GLI3: variants seen among roughly 807,000 people sequenced by gnomAD.
GLI3 encodes the protein GLI family zinc finger 3, also known as transcription activator GLI3.
In GLI3, 20 loss-of-function variants were observed where a neutral mutation model predicts 100.8. The ratio of observed to expected loss-of-function variants is 0.20; its 90% confidence interval spans 0.14 to 0.29. GLI3 has a LOEUF of 0.29. Among genes scored for constraint, GLI3 ranks in the 10% least tolerant of loss-of-function variants. GLI3 has a pLI of 1.00. For synonymous variants in GLI3, 938 were observed against 860.5 expected (o/e 1.09, Z -1.58); for missense variants, 2,040 against 2,128.5 (o/e 0.96, Z 0.82).
intron 4 of GLI3, among the ~76,000 whole-genome samples, chr7:42,074,597 A>G (rs1205676905): frequency 6.6e-6 from 1 of 152,206 alleles, no homozygotes; most frequent in African/African-American, 2.4e-5. Context: ...ACCAATGCAG[A>G]CAGAATGTCA....
At chr7:42,164,560 G>A (rs1435719354) in intron 2 of GLI3, among the ~76,000 whole-genome samples, 1 of 152,012 alleles carries the variant, frequency 6.6e-6, no homozygotes, top group African/African-American at 2.4e-5. Context: ...GCCGAGCACG[G>A]TGGCTCACGC....
At position 41,966,709 on chromosome 7, in the gene GLI3, T is replaced by G. The variant is rs1274888047; in HGVS notation, c.2432-68A>C. On this transcript the variant is annotated intron_variant, in intron 14 of 14. Coordinates refer to ENST00000395925, the MANE Select transcript of GLI3 (RefSeq NM_000168.6). This position sits in a 1 kb window ranked among gnomAD's most constrained non-coding sequence, Gnocchi z 5.8. ...CTTCGAGCATGACTTACACCAGGCA[T>G]GAGCAACCCTTTTCTGTAAAGGGCC... is the stretch of plus-strand genomic sequence containing the variant. 1.3e-6 allele frequency: 2 copies of G among 1,526,526 alleles called. No individual in the cohort carries two copies. Among genetic ancestry groups the G allele is most frequent in the Non-Finnish European group, 9.0e-7 (1 of 1,105,466 alleles). The allele number at this position is 1,526,526 out of a possible 1,614,324, so 94.6% of individuals were successfully genotyped here. A position where few individuals can be genotyped will look rare whatever the true frequency, so the allele number is the denominator to read the frequency against.
intron 6 of GLI3, among the ~76,000 whole-genome samples, chr7:42,041,234 C>G (rs1784130016): frequency 6.6e-6 from 1 of 152,198 alleles, no homozygotes; most frequent in South Asian, 2.1e-4. Context: ...CAAGAAGATT[C>G]CACTGATGGA....
Position 42,139,727 on chromosome 7 carries a change from T to A in GLI3, c.367+8499A>T, listed in dbSNP as rs117418110. 3.8e-3 allele frequency among the ~76,000 whole-genome samples: 583 copies of A among 152,172 alleles called. 5 individuals are homozygous for A. The highest frequency in any genetic ancestry group is 0.034 in the East Asian group (174 of 5,164). On this transcript the variant is annotated intron_variant, in intron 3 of 14. Coordinates refer to ENST00000395925, the MANE Select transcript of GLI3 (RefSeq NM_000168.6). ...CTACACAAAGGAATGCAGCAGCACA[T>A]CCTTAAAGACCAATGAGACAGCAGC...
At chr7:42,072,319 A>C (rs931041410) in intron 4 of GLI3, among the ~76,000 whole-genome samples, 4 of 152,214 alleles carry the variant, frequency 2.6e-5, no homozygotes, top group African/African-American at 9.6e-5. Flanking sequence ...TTGGCTCAGA[A>C]AGATTGTACA....
At chr7:42,016,069 T>C (rs1788751793) in intron 10 of GLI3, among the ~76,000 whole-genome samples, 1 of 152,064 alleles carries the variant, frequency 6.6e-6, no homozygotes, top group East Asian at 1.9e-4. Flanking sequence ...TGGCATCTCA[T>C]GGGGAGAGGC....
rs71006467 is a variant in GLI3 at position 42,246,805 on chromosome 7, C to CTTTTTTTT, written c.-43+17181_-43+17188dup. Reference sequence around the variant, plus strand: ...TTAAAGGCTCATTGGATGATAGAATCTTTTTTTTTTTTTTTTTTTTTTTTT... The same window carrying CTTTTTTTT: ...TTAAAGGCTCATTGGATGATAGAATCTTTTTTTTTTTTTTTTTTTTTTTTTTTTTTTTT... On this transcript the variant is annotated intron_variant, in intron 1 of 2. Coordinates refer to the GLI3 transcript ENST00000678978. 3.8e-3 allele frequency among the ~76,000 whole-genome samples: 359 copies of CTTTTTTTT among 94,916 alleles called. 37 individuals carry two copies. The highest frequency in any genetic ancestry group is 6.0e-3 in the Non-Finnish European group (295 of 49,200). The allele number at this position is 94,916 out of a possible 152,430, so 62.3% of individuals were successfully genotyped here.
intron 10 of GLI3, among the ~76,000 whole-genome samples, chr7:41,997,822 A>G (rs1788168735): frequency 6.6e-6 from 1 of 152,134 alleles, no homozygotes; most frequent in African/African-American, 2.4e-5. Context: ...ACATAAATAT[A>G]TAACTTGAAC....
intron 2 of GLI3, among the ~76,000 whole-genome samples, chr7:42,187,808 T>G (rs1197168585): frequency 6.6e-6 from 1 of 151,580 alleles, no homozygotes; most frequent in East Asian, 2.0e-4. Flanking sequence ...ATCCAGACCA[T>G]CCTGACTAAC....
chr7:42,091,749 G>C (rs570311153), intron 3 of GLI3, among the ~76,000 whole-genome samples: 1 of 152,194 alleles, frequency 6.6e-6, no homozygotes, highest in Admixed American at 6.5e-5. Flanking sequence ...AGCAATATCC[G>C]CTCGCTCGGC....
rs111227143 is a variant in GLI3, at chr7:42,146,789, A to G, written c.367+1437T>C. Among the ~76,000 whole-genome samples the G allele has an allele frequency of 1.2e-4, 18 of 152,366 alleles. 2 individuals carry two copies. The highest frequency in any genetic ancestry group is 4.3e-4 in the African/African-American group (18 of 41,580). On this transcript the variant is annotated intron_variant, in intron 3 of 14. Coordinates refer to ENST00000395925, the MANE Select transcript of GLI3 (RefSeq NM_000168.6). ...AGACTCACAAATAAAAATACAATGC[A>G]GAAAACTTAGGAATGTGCTCAGAGA...
At chr7:42,247,020 C>T (rs1788983759) in intron 1 of GLI3, among the ~76,000 whole-genome samples, 1 of 151,724 alleles carries the variant, frequency 6.6e-6, no homozygotes, top group Non-Finnish European at 1.5e-5. Flanking sequence ...AGGGGCAGGC[C>T]TAATGTCTGG....
chr7:42,042,660 C>T (rs898888998), intron 6 of GLI3, among the ~76,000 whole-genome samples: 1 of 152,136 alleles, frequency 6.6e-6, no homozygotes, highest in South Asian at 2.1e-4. Context: ...GCTCTCAAAC[C>T]CTAGGAGCCT....
intron 10 of GLI3, among the ~76,000 whole-genome samples, chr7:41,990,257 A>G (rs1257266886): frequency 6.6e-6 from 1 of 152,162 alleles, no homozygotes; most frequent in East Asian, 1.9e-4. Flanking sequence ...TAGGAGCACC[A>G]GTATCTAGAA....
chr7:41,963,364 G>C lies in GLI3; in HGVS notation c.*966C>G, dbSNP rs1329415514. ...ATCAATTCTCAGTTAAAATGGGAAAGAGATGGAACTAATCAACAAACACAG... is the reference window on the plus strand; with the variant it reads ...ATCAATTCTCAGTTAAAATGGGAAACAGATGGAACTAATCAACAAACACAG... On this transcript the variant is annotated 3_prime_UTR_variant, in exon 15 of 15. Transcript: ENST00000395925. 6.6e-6 allele frequency: 1 copy of C among 152,218 alleles called. No individual in the cohort carries two copies. Among genetic ancestry groups the C allele is most frequent in the African/African-American group, 2.4e-5 (1 of 41,454 alleles). The allele number at this position is 152,218 out of a possible 1,614,324, so 9.4% of individuals were successfully genotyped here.
intron 10 of GLI3, among the ~76,000 whole-genome samples, chr7:42,009,081 T>C (rs997759941): frequency 3.9e-5 from 6 of 152,222 alleles, no homozygotes; most frequent in Middle Eastern, 3.2e-3. Context: ...CTCCCTTGAC[T>C]GATGCCAAGC....
intron 2 of GLI3, among the ~76,000 whole-genome samples, chr7:42,169,725 A>T (rs2128675552): frequency 1.3e-5 from 2 of 152,104 alleles, no homozygotes; most frequent in East Asian, 3.9e-4. Flanking sequence ...ACAATAGAAG[A>T]TTAATAATGC....
At chr7:42,194,432 C>T (rs1446823556) in intron 2 of GLI3, among the ~76,000 whole-genome samples, 2 of 152,268 alleles carry the variant, frequency 1.3e-5, no homozygotes, top group East Asian at 3.9e-4. Flanking sequence ...GGCCTACATC[C>T]AACTTTTCTG....
intron 2 of GLI3, among the ~76,000 whole-genome samples, chr7:42,158,284 G>A (rs1787050422): frequency 1.3e-5 from 2 of 152,142 alleles, no homozygotes; most frequent in South Asian, 4.2e-4. Flanking sequence ...CCAGGATGCA[G>A]TATCATCAAC....
Sources: allele counts gnomAD v4.1 joint callset (sites outside exome capture counted in the v4.1 genomes callset), GRCh38; gene constraint gnomAD v4.1.1; non-coding constraint Gnocchi (gnomAD v3.1); transcripts MANE v1.5; gene names NCBI Gene and HGNC (gene_info 2026-07-23, HGNC 2026-07-21).